TMEM132C: variants seen among roughly 807,000 people sequenced by gnomAD.
TMEM132C encodes transmembrane protein 132C, also known as protein phosphatase 1, regulatory subunit 152.
TMEM132C carries 29 observed loss-of-function variants against 61.4 expected under a neutral mutation model. That is an observed-to-expected ratio of 0.47 (90% CI 0.35 to 0.64). The LOEUF (loss-of-function observed/expected upper bound fraction) is 0.64, where lower values mean the gene tolerates loss of function less well. Among genes scored for constraint, TMEM132C ranks in the 30% least tolerant of loss-of-function variants. The pLI is 0.00. For synonymous variants in TMEM132C, 656 were observed against 633.1 expected (o/e 1.04, Z -0.54); for missense variants, 1,408 against 1,476.9 (o/e 0.95, Z 0.76).
At chr12:128,644,847 G>GA (rs1329640798) in intron 4 of TMEM132C, among the ~76,000 whole-genome samples, 1 of 152,176 alleles carries the variant, frequency 6.6e-6, no homozygotes, top group Non-Finnish European at 1.5e-5. Context: ...TCTTTGTTCA[G>GA]AAAAGTCCGC....
At chr12:128,581,591 T>C (rs900029052) in intron 3 of TMEM132C, among the ~76,000 whole-genome samples, 1 of 152,186 alleles carries the variant, frequency 6.6e-6, no homozygotes, top group Admixed American at 6.5e-5. Context: ...AAGTTCGCCA[T>C]GATAATGACC....
rs187046138 is a variant in TMEM132C at position 128,422,601 on chromosome 12, C to T, written c.974+6981C>T. Among the ~76,000 whole-genome samples, 499 of 152,304 alleles carry T rather than the reference C, an allele frequency of 3.3e-3. 7 individuals are homozygous for T. Among genetic ancestry groups the T allele is most frequent in the East Asian group, 1.3e-3 (7 of 5,186 alleles). On this transcript the variant is annotated intron_variant, in intron 2 of 8. Coordinates refer to ENST00000435159, the MANE Select transcript of TMEM132C (RefSeq NM_001136103.3). ...CTGGGAGATTATACTCTGCTGCTAA[C>T]GTGAATTTATGTGTAGTAAATAGAC...
chr12:128,371,569 G>A (rs933081663), intron 1 of TMEM132C, among the ~76,000 whole-genome samples: 2 of 152,112 alleles, frequency 1.3e-5, no homozygotes, highest in Non-Finnish European at 2.9e-5. Flanking sequence ...ATGTATATGT[G>A]TATGTATGTA....
At chr12:128,645,446 G>A (rs959026286) in intron 4 of TMEM132C, among the ~76,000 whole-genome samples, 3 of 152,082 alleles carry the variant, frequency 2.0e-5, no homozygotes, top group African/African-American at 7.2e-5. Context: ...AATTCTGTGG[G>A]GCACCCGAGA....
chr12:128,663,530 A>G (rs1011877752), intron 4 of TMEM132C, among the ~76,000 whole-genome samples: 2 of 152,186 alleles, frequency 1.3e-5, no homozygotes, highest in Admixed American at 1.3e-4. Flanking sequence ...TTTTACACCC[A>G]TTCCTGGGAC....
chr12:128,353,906 C>T (rs183142479), intron 1 of TMEM132C, among the ~76,000 whole-genome samples: 1 of 152,246 alleles, frequency 6.6e-6, no homozygotes, highest in African/African-American at 2.4e-5. Context: ...CTGTTGTTTT[C>T]CATTTGTTTT....
chr12:128,702,092 G>T (rs1326128716), intron 8 of TMEM132C, among the ~76,000 whole-genome samples: 2 of 151,816 alleles, frequency 1.3e-5, no homozygotes, highest in Admixed American at 1.3e-4. Flanking sequence ...TAGAGATGGG[G>T]TTTCCTCATG....
chr12:128,540,220 CTT>C (rs1873686304), intron 2 of TMEM132C, among the ~76,000 whole-genome samples: 1 of 152,010 alleles, frequency 6.6e-6, no homozygotes, highest in South Asian at 2.1e-4. Flanking sequence ...AATATCTTCT[CTT>C]ATCTCTTAGT....
chr12:128,595,988 C>T (rs1308681514), intron 3 of TMEM132C, among the ~76,000 whole-genome samples: 3 of 152,266 alleles, frequency 2.0e-5, no homozygotes, highest in Non-Finnish European at 2.9e-5. Context: ...GCAGTGAGAA[C>T]ATCCACTCTA....
At chr12:128,659,882 G>A (rs1954368097) in intron 4 of TMEM132C, among the ~76,000 whole-genome samples, 1 of 152,224 alleles carries the variant, frequency 6.6e-6, no homozygotes, top group African/African-American at 2.4e-5. Flanking sequence ...CCACTGGTGG[G>A]CTTGTTTTCT....
In TMEM132C at chr12:128,314,319, G is replaced by C. The variant is rs563513094; in HGVS notation, c.85+46832G>C. On this transcript the variant is annotated intron_variant, in intron 1 of 8. Coordinates refer to ENST00000435159, the MANE Select transcript of TMEM132C (RefSeq NM_001136103.3). ...CTTTATAAGGAACAATCTTTAATTG[G>C]GGAAGGCATGAATTCCTAGCTGCCC... Among the ~76,000 whole-genome samples the C allele has an allele frequency of 3.5e-4, 52 of 150,278 alleles. 1 individual carries two copies. The South Asian group carries it at 0.011, about 33-fold the overall frequency.
At chr12:128,499,548 A>T (rs931608916) in intron 2 of TMEM132C, among the ~76,000 whole-genome samples, 1 of 152,094 alleles carries the variant, frequency 6.6e-6, no homozygotes, top group Non-Finnish European at 1.5e-5. Context: ...CCCTCTCCCG[A>T]CTACCCTTCT....
At chr12:128,513,296 C>T (rs566175117) in intron 2 of TMEM132C, among the ~76,000 whole-genome samples, 1 of 152,224 alleles carries the variant, frequency 6.6e-6, no homozygotes, top group Admixed American at 6.5e-5. Context: ...ACCTCCTCTG[C>T]CTCCCCCTCC....
At chr12:128,490,093 G>T (rs1871663160) in intron 2 of TMEM132C, among the ~76,000 whole-genome samples, 1 of 152,162 alleles carries the variant, frequency 6.6e-6, no homozygotes, top group African/African-American at 2.4e-5. Flanking sequence ...AAGTATGGAT[G>T]AATAAGCATG....
intron 2 of TMEM132C, among the ~76,000 whole-genome samples, chr12:128,426,817 T>G (rs1230077249): frequency 2.0e-5 from 3 of 152,200 alleles, no homozygotes; most frequent in Non-Finnish European, 4.4e-5. Flanking sequence ...ACTCCAGCTC[T>G]GTGAAAACAG....
At chr12:128,312,475 T>C (rs1036112158) in intron 1 of TMEM132C, among the ~76,000 whole-genome samples, 1 of 152,064 alleles carries the variant, frequency 6.6e-6, no homozygotes, top group African/African-American at 2.4e-5. Context: ...CTGACTGATT[T>C]TTGTACATTT....
chr12:128,360,525 A>AC (rs887270094), intron 1 of TMEM132C, among the ~76,000 whole-genome samples: 1 of 151,658 alleles, frequency 6.6e-6, no homozygotes, highest in Non-Finnish European at 1.5e-5. Context: ...TGATAAGGGC[A>AC]CCCCCAGTTC....
intron 3 of TMEM132C, among the ~76,000 whole-genome samples, chr12:128,597,841 G>C (rs6486702): frequency 0.92 from 140,709 of 152,288 alleles, 65,750 homozygotes; most frequent in East Asian, 1. Context: ...AAGTGTTTGA[G>C]GGTGTTGACT....
At chr12:128,460,899 ACCAGAGG>A (rs1366544752) in intron 2 of TMEM132C, among the ~76,000 whole-genome samples, 2 of 152,104 alleles carry the variant, frequency 1.3e-5, no homozygotes, top group Non-Finnish European at 2.9e-5. Flanking sequence ...AAGGCAGCAA[ACCAGAGG>A]CAGCCCCCAG....
Sources: gnomAD v4.1 joint callset for allele counts (sites outside exome capture counted in the v4.1 genomes callset) on GRCh38, gnomAD v4.1.1 for gene constraint, MANE v1.5 for transcripts, NCBI Gene and HGNC (gene_info 2026-07-23, HGNC 2026-07-21) for gene names.